KCNMA1: variants seen among roughly 807,000 people sequenced by gnomAD.
KCNMA1 encodes the protein Calcium-activated potassium channel subunit alpha-1.
KCNMA1 carries 29 observed loss-of-function variants against 140.0 expected under a neutral mutation model. The observed-to-expected ratio is 0.21, with a 90% CI of 0.15 to 0.28. The LOEUF (loss-of-function observed/expected upper bound fraction) is 0.28. KCNMA1 is among the 10% of genes least tolerant of loss of function. The pLI is 1.00. For missense variants in KCNMA1, 880 were observed against 1,602.2 expected (o/e 0.55, Z 7.70); for synonymous variants, 612 against 611.9 (o/e 1.00, Z 0.00).
chr10:77,202,956 T>A (rs1159799698), intron 3 of KCNMA1, among the ~76,000 whole-genome samples: 1 of 152,160 alleles, frequency 6.6e-6, no homozygotes, highest in African/African-American at 2.4e-5. Flanking sequence ...GTGCAAAGAA[T>A]AAAATCTCCT....
At chr10:77,225,087 C>A (rs1057042729) in intron 3 of KCNMA1, among the ~76,000 whole-genome samples, 1 of 152,158 alleles carries the variant, frequency 6.6e-6, no homozygotes, top group African/African-American at 2.4e-5. Flanking sequence ...ATCCAGTTGG[C>A]AATGCTGGAC....
chr10:77,213,595 A>T (rs571979928), intron 3 of KCNMA1, among the ~76,000 whole-genome samples: 1 of 152,276 alleles, frequency 6.6e-6, no homozygotes, highest in South Asian at 2.1e-4. Flanking sequence ...CCTAGTGATT[A>T]TGGCCTGGGA....
intron 2 of KCNMA1, among the ~76,000 whole-genome samples, chr10:77,270,770 G>A (rs962796733): frequency 2.6e-5 from 4 of 151,734 alleles, no homozygotes; most frequent in South Asian, 2.1e-4. Flanking sequence ...GATTACAGGC[G>A]TTGAGGCACC....
chr10:76,885,629 ATT>A lies in KCNMA1; in HGVS notation c.*1635_*1636del, dbSNP rs2036551661. On this transcript the variant is annotated 3_prime_UTR_variant, in exon 28 of 28. Coordinates refer to ENST00000286628, the MANE Select transcript of KCNMA1 (RefSeq NM_001161352.2). ...TCCTCCTCCCTTTTACCCCTATTCT[ATT>A]CGATGGAATTCTTTGAAGTAAAACT... 1.0e-6 allele frequency: 1 copy of A among 985,118 alleles called. No individual in the cohort carries two copies. The highest frequency in any genetic ancestry group is 1.7e-5 in the African/African-American group (1 of 57,178). 61.0% of individuals were successfully genotyped at this position (985,118 alleles called of 1,614,324 possible).
rs1382130496 is a variant in KCNMA1 at position 76,886,734 on chromosome 10, C to T, written c.*532G>A. The stretch of plus-strand genomic sequence containing the variant: ...GCTTTTCAAATGCTTCGCAATACTT[C>T]GGCCCAGAGACTGGAAACAATCAAT... On this transcript the variant is annotated 3_prime_UTR_variant, in exon 28 of 28. Transcript: ENST00000286628. 6 of 1,006,648 alleles carry T rather than the reference C, an allele frequency of 6.0e-6. No individual in the cohort carries two copies. The highest frequency in any genetic ancestry group is 4.1e-5 in the South Asian group (1 of 24,106). 62.4% of individuals were successfully genotyped at this position (1,006,648 alleles called of 1,614,324 possible).
intron 5 of KCNMA1, among the ~76,000 whole-genome samples, chr10:77,149,124 G>A (rs1341264986): frequency 6.6e-6 from 1 of 152,196 alleles, no homozygotes. Context: ...GCACAGCTGG[G>A]AACTTTGCAC....
At chr10:77,023,853 T>A (rs1421987579) in intron 16 of KCNMA1, among the ~76,000 whole-genome samples, 2 of 152,092 alleles carry the variant, frequency 1.3e-5, no homozygotes, top group Admixed American at 1.3e-4. Context: ...CAGTTGTGTA[T>A]TTCATATGTC....
intron 2 of KCNMA1, among the ~76,000 whole-genome samples, chr10:77,275,869 G>A (rs1382464377): frequency 4.6e-5 from 7 of 152,226 alleles, no homozygotes; most frequent in East Asian, 1.9e-4. Context: ...CACCCTGGGA[G>A]GTTATGCCCG....
At chr10:77,532,694 A>G (rs1271855198) in intron 1 of KCNMA1, among the ~76,000 whole-genome samples, 1 of 152,204 alleles carries the variant, frequency 6.6e-6, no homozygotes, top group African/African-American at 2.4e-5. Flanking sequence ...TAATTAAATG[A>G]TTTACAGAAG....
At chr10:77,127,621 GGAGA>G (rs2097769638) in intron 5 of KCNMA1, among the ~76,000 whole-genome samples, 1 of 149,408 alleles carries the variant, frequency 6.7e-6, no homozygotes, top group Admixed American at 6.8e-5. Flanking sequence ...AGGGAGAGAA[GGAGA>G]GAAGGCAGGA....
downstream of KCNMA1, chr10:76,883,930 T>C (rs2035715917): frequency 2.4e-6 from 2 of 836,392 alleles, no homozygotes; most frequent in South Asian, 5.5e-5. Context: ...GAAGTAGTAA[T>C]GATCCTTCTC....
intron 3 of KCNMA1, among the ~76,000 whole-genome samples, chr10:77,230,726 C>T (rs1291564280): frequency 6.6e-6 from 1 of 152,152 alleles, no homozygotes; most frequent in Non-Finnish European, 1.5e-5. Context: ...AACTGAGAGC[C>T]TCCCAGTTCC....
chr10:77,159,360 A>C (rs2154075372), intron 5 of KCNMA1, among the ~76,000 whole-genome samples: 1 of 152,174 alleles, frequency 6.6e-6, no homozygotes, highest in Non-Finnish European at 1.5e-5. Flanking sequence ...TTGTTAAATT[A>C]CTAGCATCTA....
intron 15 of KCNMA1, among the ~76,000 whole-genome samples, chr10:77,038,765 G>A (rs1324022814): frequency 2.6e-5 from 4 of 152,136 alleles, no homozygotes; most frequent in Non-Finnish European, 4.4e-5. Context: ...AGTCTTGAAT[G>A]CCTAGCCTCA....
At chr10:77,039,442 T>C (rs1212514562) in intron 15 of KCNMA1, 86 bp downstream of exon 15, 2 of 809,340 alleles carry the variant, frequency 2.5e-6, no homozygotes, top group Non-Finnish European at 4.4e-6. Context: ...GCTCCAACTG[T>C]ACCCAGCAGA....
chr10:77,154,519 T>C (rs901484043), intron 5 of KCNMA1, among the ~76,000 whole-genome samples: 2 of 152,092 alleles, frequency 1.3e-5, no homozygotes, highest in African/African-American at 2.4e-5. Context: ...AATGATGAAA[T>C]GGAAAGACTG....
chr10:77,239,796 G>A (rs117794551), intron 3 of KCNMA1, among the ~76,000 whole-genome samples: 1,691 of 152,274 alleles, frequency 0.011, 11 homozygotes, highest in Middle Eastern at 0.024. Flanking sequence ...GTATGCCTCC[G>A]ATTTTGTTTT....
Position 77,223,476 on chromosome 10 carries a change from T to C in KCNMA1, c.602+27719A>G, listed in dbSNP as rs187476399. Among the ~76,000 whole-genome samples the C allele has an allele frequency of 9.5e-4, 145 of 152,288 alleles. 1 individual carries two copies. The highest frequency in any genetic ancestry group is 2.9e-3 in the African/African-American group (119 of 41,570). On this transcript the variant is annotated intron_variant, in intron 3 of 27. Coordinates refer to ENST00000286628, the MANE Select transcript of KCNMA1 (RefSeq NM_001161352.2). ...AACAAGTTGAAAAGAAAGTGCAGAATAATCAGAGTGTATCTAGAATGAATA... is the reference window on the plus strand; with the variant it reads ...AACAAGTTGAAAAGAAAGTGCAGAACAATCAGAGTGTATCTAGAATGAATA...
chr10:77,150,766 C>G (rs150292002), intron 5 of KCNMA1, among the ~76,000 whole-genome samples: 2 of 152,288 alleles, frequency 1.3e-5, no homozygotes, highest in Non-Finnish European at 2.9e-5. Context: ...ATAATAATAA[C>G]AAAAGAACTT....
Sources: allele counts gnomAD v4.1 joint callset (sites outside exome capture counted in the v4.1 genomes callset), GRCh38; gene constraint gnomAD v4.1.1; transcripts MANE v1.5; gene names NCBI Gene and HGNC (gene_info 2026-07-23, HGNC 2026-07-21).